FSTL5: variants seen among roughly 807,000 people sequenced by gnomAD.
FSTL5 encodes follistatin-related protein 5.
FSTL5 carries 62 observed loss-of-function variants against 89.1 expected under a neutral mutation model. The ratio of observed to expected loss-of-function variants is 0.70; its 90% CI spans 0.57 to 0.86. The LOEUF (loss-of-function observed/expected upper bound fraction) is 0.86. Among genes scored for constraint, FSTL5 ranks in the 40% least tolerant of loss-of-function variants. The pLI is 0.00. For synonymous variants in FSTL5, 383 were observed against 346.2 expected, an observed-to-expected ratio of 1.11 and a Z score of -1.18; for missense variants, 1,057 against 1,001.6, an observed-to-expected ratio of 1.06 and a Z score of -0.75.
At chr4:161,790,303 G>T (rs558269674) in intron 4 of FSTL5, among the ~76,000 whole-genome samples, 63 of 152,002 alleles carry the variant, frequency 4.1e-4, no homozygotes, top group African/African-American at 1.5e-3. Flanking sequence ...GTGTCCACCT[G>T]AGTCCACACA....
At chr4:162,132,613 C>T (rs549801758) in intron 1 of FSTL5, among the ~76,000 whole-genome samples, 1 of 152,220 alleles carries the variant, frequency 6.6e-6, no homozygotes, top group South Asian at 2.1e-4. Context: ...TCACATTGTT[C>T]CTCAGAGTTT....
At chr4:161,913,196 T>C (rs1013408431) in intron 4 of FSTL5, among the ~76,000 whole-genome samples, 1 of 152,190 alleles carries the variant, frequency 6.6e-6, no homozygotes, top group African/African-American at 2.4e-5. Flanking sequence ...CAGGAATTTG[T>C]ATAAGCAGCA....
chr4:162,090,929 C>G (rs1730525573), intron 2 of FSTL5, among the ~76,000 whole-genome samples: 1 of 152,018 alleles, frequency 6.6e-6, no homozygotes. Flanking sequence ...AGACTAAGAT[C>G]TGAAAGTTGT....
chr4:161,493,131 A>G (rs1350051827), intron 12 of FSTL5, among the ~76,000 whole-genome samples: 3 of 151,934 alleles, frequency 2.0e-5, no homozygotes, highest in Non-Finnish European at 4.4e-5. Context: ...TTATAGTTAA[A>G]TGAAAAGTTT....
chr4:161,699,373 G>T lies in FSTL5; in HGVS notation c.728-42879C>A, dbSNP rs77309049. Reference sequence around the variant, plus strand: ...AACATTTGCTGAACATTGAACATGTGTTATCTTTCACTAGTCACATGGGTT... The same window carrying T: ...AACATTTGCTGAACATTGAACATGTTTTATCTTTCACTAGTCACATGGGTT... On this transcript the variant is annotated intron_variant, in intron 6 of 15. Coordinates refer to ENST00000306100, the MANE Select transcript of FSTL5 (RefSeq NM_020116.5). Among the ~76,000 whole-genome samples, 1,087 of 152,202 alleles carry T rather than the reference G, an allele frequency of 7.1e-3. 13 individuals are homozygous for T. Among genetic ancestry groups the T allele is most frequent in the African/African-American group, 0.025 (1,025 of 41,516 alleles).
intron 3 of FSTL5, among the ~76,000 whole-genome samples, chr4:161,972,879 C>A (rs1310915634): frequency 6.6e-6 from 1 of 152,176 alleles, no homozygotes; most frequent in Non-Finnish European, 1.5e-5. Flanking sequence ...CCTCTGACAA[C>A]CATCTAAAAC....
intron 7 of FSTL5, among the ~76,000 whole-genome samples, chr4:161,606,853 C>A (rs1251702014): frequency 6.6e-6 from 1 of 151,836 alleles, no homozygotes; most frequent in Non-Finnish European, 1.5e-5. Context: ...ATATGATGTA[C>A]CATAAACTTT....
chr4:161,588,635 C>T (rs1733701735), intron 7 of FSTL5, among the ~76,000 whole-genome samples: 1 of 152,080 alleles, frequency 6.6e-6, no homozygotes, highest in South Asian at 2.1e-4. Flanking sequence ...TTTCAGAATT[C>T]TGGAAATAGA....
intron 8 of FSTL5, among the ~76,000 whole-genome samples, chr4:161,583,374 A>G (rs540468202): frequency 1.8e-4 from 28 of 152,266 alleles, no homozygotes; most frequent in African/African-American, 2.4e-5. Context: ...GAAGCTTATG[A>G]TATTGATGAC....
At chr4:161,858,926 G>GAAA (rs372366020) in intron 4 of FSTL5, among the ~76,000 whole-genome samples, 11 of 151,124 alleles carry the variant, frequency 7.3e-5, no homozygotes, top group African/African-American at 2.7e-4. Context: ...ATATTGCTGG[G>GAAA]AAAAAAAAAT....
At chr4:161,599,888 A>G (rs923022833) in intron 7 of FSTL5, among the ~76,000 whole-genome samples, 4 of 152,042 alleles carry the variant, frequency 2.6e-5, no homozygotes, top group Non-Finnish European at 5.9e-5. Flanking sequence ...GAACTTAAAT[A>G]ATATAAAAAT....
chr4:161,500,003 T>C lies in FSTL5; in HGVS notation c.1458+13A>G. 3 of 1,511,274 alleles carry C rather than the reference T, an allele frequency of 2.0e-6. No homozygotes were observed. Among genetic ancestry groups the C allele is most frequent in the Non-Finnish European group, 2.7e-6 (3 of 1,091,932 alleles). 93.6% of individuals were successfully genotyped at this position (1,511,274 alleles called of 1,614,324 possible). ...TCTGCATAAAACGTCAAAGGAACTT[T>C]TTAGATACTTGCCTGAAATCCAAGG... On this transcript the variant is annotated intron_variant, in intron 12 of 15. Transcript: ENST00000306100.
chr4:161,604,222 G>A (rs533273642), intron 7 of FSTL5, among the ~76,000 whole-genome samples: 51 of 151,998 alleles, frequency 3.4e-4, no homozygotes, highest in African/African-American at 9.4e-4. Context: ...AAGGGTCATG[G>A]AATTGATTAT....
At chr4:161,686,926 A>G (rs1034372991) in intron 6 of FSTL5, among the ~76,000 whole-genome samples, 1 of 152,164 alleles carries the variant, frequency 6.6e-6, no homozygotes, top group Non-Finnish European at 1.5e-5. Flanking sequence ...ATGAATTTAA[A>G]TTTTTAATTT....
intron 3 of FSTL5, among the ~76,000 whole-genome samples, chr4:161,995,526 T>A (rs573438919): frequency 4.3e-4 from 65 of 152,122 alleles, no homozygotes; most frequent in African/African-American, 1.5e-3. Context: ...AAGGAAAAAT[T>A]TTGATTGTTC....
chr4:161,899,466 GACTAAT>G (rs993403416), intron 4 of FSTL5, among the ~76,000 whole-genome samples: 1 of 152,102 alleles, frequency 6.6e-6, no homozygotes, highest in African/African-American at 2.4e-5. Context: ...TCAGTCTGCT[GACTAAT>G]ACATTTACAC....
At chr4:161,466,435 C>T (rs577240321) in intron 13 of FSTL5, among the ~76,000 whole-genome samples, 2 of 152,162 alleles carry the variant, frequency 1.3e-5, no homozygotes, top group East Asian at 1.9e-4. Context: ...TGAAGCACAG[C>T]TTGTTTATCA....
chr4:161,426,653 C>T (rs1197873957), intron 15 of FSTL5, among the ~76,000 whole-genome samples: 1 of 152,106 alleles, frequency 6.6e-6, no homozygotes, highest in East Asian at 1.9e-4. Flanking sequence ...AGTGCAGTGG[C>T]ACAGTCTGGC....
rs894794352 is a variant in FSTL5, at chr4:162,001,084, C to G, written c.160+32541G>C. ...GCACAAACAGTTTTTAATTAGGTTTCAAAAATGCAAGCACAATGACAAGAA... is the reference window on the plus strand; with the variant it reads ...GCACAAACAGTTTTTAATTAGGTTTGAAAAATGCAAGCACAATGACAAGAA... On this transcript the variant is annotated intron_variant, in intron 3 of 15. Coordinates refer to ENST00000306100, the MANE Select transcript of FSTL5 (RefSeq NM_020116.5). Among the ~76,000 whole-genome samples the G allele has an allele frequency of 4.6e-5, 7 of 152,218 alleles. 1 individual carries two copies. Among genetic ancestry groups the G allele is most frequent in the Admixed American group, 6.5e-5 (1 of 15,294 alleles).
Sources: gnomAD v4.1 joint callset for allele counts (sites outside exome capture counted in the v4.1 genomes callset) on GRCh38, gnomAD v4.1.1 for gene constraint, MANE v1.5 for transcripts, NCBI Gene and HGNC (gene_info 2026-07-23, HGNC 2026-07-21) for gene names.